DPP10: variants seen among roughly 807,000 people sequenced by gnomAD.
The protein encoded by DPP10 is dipeptidyl peptidase like 10.
DPP10 carries 33 observed loss-of-function variants against 120.9 expected under a neutral mutation model. The observed-to-expected ratio is 0.27, with a 90% CI of 0.21 to 0.37. DPP10 has a LOEUF of 0.37. Ranked by LOEUF, DPP10 falls within the 10% of genes least tolerant of loss-of-function variation. The probability of loss-of-function intolerance (pLI) is 1.00; values close to 1 mark genes in which losing one functional copy is unlikely to be tolerated. For synonymous variants in DPP10, 337 were observed against 326.1 expected (o/e 1.03, Z -0.36); for missense variants, 816 against 942.8 (o/e 0.87, Z 1.76).
intron 2 of DPP10, among the ~76,000 whole-genome samples, chr2:115,310,851 A>C (rs919632823): frequency 6.6e-6 from 1 of 152,218 alleles, no homozygotes; most frequent in Non-Finnish European, 1.5e-5. Context: ...GGAGGTATTC[A>C]TGTCATAATC....
chr2:115,426,767 C>A (rs1465202584), intron 3 of DPP10, among the ~76,000 whole-genome samples: 1 of 152,210 alleles, frequency 6.6e-6, no homozygotes, highest in Non-Finnish European at 1.5e-5. Flanking sequence ...TTGGCCCCCA[C>A]AAAATTCTTA....
intron 1 of DPP10, among the ~76,000 whole-genome samples, chr2:114,613,101 C>T (rs1050449852): frequency 7.9e-5 from 12 of 152,182 alleles, no homozygotes; most frequent in African/African-American, 1.9e-4. Context: ...GTTTCTGGTA[C>T]GTATTTAGCT....
At chr2:115,827,388 CTGTG>C (rs1247679713) in intron 21 of DPP10, among the ~76,000 whole-genome samples, 10 of 101,796 alleles carry the variant, frequency 9.8e-5, no homozygotes, top group African/African-American at 1.5e-4. Flanking sequence ...AGGAGGGCAA[CTGTG>C]TGTGTGTGTG....
At chr2:115,682,214 T>C (rs2090710443) in intron 5 of DPP10, among the ~76,000 whole-genome samples, 1 of 151,972 alleles carries the variant, frequency 6.6e-6, no homozygotes, top group South Asian at 2.1e-4. Flanking sequence ...TTAAATGCCA[T>C]TCAGGTTATC....
At chr2:114,994,033 T>A (rs2104947171) in intron 1 of DPP10, among the ~76,000 whole-genome samples, 1 of 152,266 alleles carries the variant, frequency 6.6e-6, no homozygotes, top group South Asian at 2.1e-4. Context: ...TTCACGGAAC[T>A]GACATCAACT....
intron 5 of DPP10, among the ~76,000 whole-genome samples, chr2:115,640,093 A>C (rs115781321): frequency 0.014 from 2,097 of 152,006 alleles, 42 homozygotes; most frequent in African/African-American, 0.049. Flanking sequence ...GTACCCTTTG[A>C]GTGTTGAATG....
intron 1 of DPP10, among the ~76,000 whole-genome samples, chr2:114,690,553 G>A (rs1440149599): frequency 6.6e-6 from 1 of 151,990 alleles, no homozygotes; most frequent in African/African-American, 2.4e-5. Context: ...GCTTAGGATT[G>A]TCTTGGCTAT....
rs910876399 is a variant in DPP10, at chr2:115,750,320, G to A, written c.951-2854G>A. ...CTGGGGCAAGGAAAGAAAGGATATA[G>A]GAAGTGATTGAGTTAATAGATATAT... is the stretch of plus-strand genomic sequence containing the variant. On this transcript the variant is annotated intron_variant, in intron 10 of 25. Coordinates refer to ENST00000410059, the MANE Select transcript of DPP10 (RefSeq NM_020868.6). 7.9e-6 allele frequency: 4 copies of A among 504,754 alleles called. No individual in the cohort carries two copies. In the African/African-American group the frequency reaches 8.3e-5, roughly 11 times the overall value. The allele number at this position is 504,754 out of a possible 1,614,324, so 31.3% of individuals were successfully genotyped here.
At chr2:114,960,651 A>G (rs1371120119) in intron 1 of DPP10, among the ~76,000 whole-genome samples, 4 of 152,160 alleles carry the variant, frequency 2.6e-5, no homozygotes, top group Non-Finnish European at 2.9e-5. Flanking sequence ...TGTAATCATA[A>G]TAACACTCGC....
chr2:114,562,311 A>T (rs536047462), intron 1 of DPP10, among the ~76,000 whole-genome samples: 4 of 152,326 alleles, frequency 2.6e-5, no homozygotes, highest in African/African-American at 9.6e-5. Flanking sequence ...TTTCCAGTCT[A>T]TTCTGAAAGT....
At chr2:114,974,092 G>A (rs975456751) in intron 1 of DPP10, among the ~76,000 whole-genome samples, 5 of 152,108 alleles carry the variant, frequency 3.3e-5, no homozygotes, top group Admixed American at 1.3e-4. Flanking sequence ...ATTTACTACC[G>A]AAATTTTTAA....
At chr2:115,064,776 G>T in intron 1 of DPP10, 3 of 1,304,248 alleles carry the variant, frequency 2.3e-6, no homozygotes, top group Non-Finnish European at 3.0e-6. Context: ...CACAGAGGTG[G>T]CTGAGGGACC....
intron 1 of DPP10, among the ~76,000 whole-genome samples, chr2:114,492,911 G>T (rs1379555276): frequency 6.6e-6 from 1 of 152,136 alleles, no homozygotes; most frequent in African/African-American, 2.4e-5. Context: ...AAGCACTGGG[G>T]ACACAGGTAT....
chr2:114,675,654 T>G (rs1698620932), intron 1 of DPP10, among the ~76,000 whole-genome samples: 2 of 152,186 alleles, frequency 1.3e-5, no homozygotes, highest in South Asian at 4.1e-4. Context: ...AGAATTGCCT[T>G]GGAAGCTTTT....
intron 1 of DPP10, among the ~76,000 whole-genome samples, chr2:114,640,962 A>G (rs1018237947): frequency 6.6e-6 from 1 of 151,674 alleles, no homozygotes; most frequent in Non-Finnish European, 1.5e-5. Context: ...CACTTTCTAC[A>G]CCTCCATCAG....
intron 1 of DPP10, among the ~76,000 whole-genome samples, chr2:114,757,977 C>T (rs1358622766): frequency 6.6e-6 from 1 of 152,160 alleles, no homozygotes; most frequent in Non-Finnish European, 1.5e-5. Context: ...CCTCACACAA[C>T]GAAGTTGAAT....
chr2:114,802,569 C>T (rs1305166163), intron 1 of DPP10, among the ~76,000 whole-genome samples: 1 of 152,110 alleles, frequency 6.6e-6, no homozygotes, highest in South Asian at 2.1e-4. Context: ...GGTTGGTTTT[C>T]GGGGCTGTTG....
intron 1 of DPP10, among the ~76,000 whole-genome samples, chr2:115,175,227 T>A (rs2053611211): frequency 1.3e-5 from 2 of 152,198 alleles, no homozygotes; most frequent in Admixed American, 1.3e-4. Context: ...CATTCATCTG[T>A]GTAGCTCTGG....
intron 19 of DPP10, among the ~76,000 whole-genome samples, chr2:115,809,941 A>T (rs894017904): frequency 3.9e-5 from 6 of 152,326 alleles, no homozygotes; most frequent in African/African-American, 1.4e-4. Context: ...AGGCAGGCGG[A>T]TCACGAGGTC....
Sources: allele counts gnomAD v4.1 joint callset (sites outside exome capture counted in the v4.1 genomes callset), GRCh38; gene constraint gnomAD v4.1.1; transcripts MANE v1.5; gene names NCBI Gene and HGNC (gene_info 2026-07-23, HGNC 2026-07-21).